PTPRT: variants seen among roughly 807,000 people sequenced by gnomAD.
PTPRT encodes the protein protein tyrosine phosphatase receptor type T.
In PTPRT, 56 loss-of-function variants were observed where a neutral mutation model predicts 176.8. That is an observed-to-expected ratio of 0.32 (90% CI 0.26 to 0.40). The LOEUF (loss-of-function observed/expected upper bound fraction) is 0.40. Among genes scored for constraint, PTPRT ranks in the 10% least tolerant of loss-of-function variants. The pLI, the probability that PTPRT is intolerant of heterozygous loss-of-function variation, is 1.00. For synonymous variants in PTPRT, 783 were observed against 739.0 expected, an observed-to-expected ratio of 1.06 and a Z score of -0.96; for missense variants, 1,540 against 1,908.2, an observed-to-expected ratio of 0.81 and a Z score of 3.60.
intron 7 of PTPRT, among the ~76,000 whole-genome samples, chr20:42,582,057 T>C (rs1007592658): frequency 1.3e-5 from 2 of 152,350 alleles, no homozygotes; most frequent in Admixed American, 6.5e-5. Context: ...TCCAGGTTAC[T>C]TGCTAAGTGC....
At chr20:42,400,491 C>T (rs181683422) in intron 9 of PTPRT, among the ~76,000 whole-genome samples, 62 of 152,002 alleles carry the variant, frequency 4.1e-4, no homozygotes, top group East Asian at 1.2e-3. Flanking sequence ...AAGATATATG[C>T]GAAACTGGGG....
At chr20:42,425,700 G>A (rs936275698) in intron 9 of PTPRT, among the ~76,000 whole-genome samples, 2 of 152,166 alleles carry the variant, frequency 1.3e-5, no homozygotes, top group Non-Finnish European at 2.9e-5. Context: ...ACTTCACAAC[G>A]TATACATATG....
At chr20:42,793,236 A>G (rs1337539187) in intron 2 of PTPRT, among the ~76,000 whole-genome samples, 1 of 152,182 alleles carries the variant, frequency 6.6e-6, no homozygotes, top group Non-Finnish European at 1.5e-5. Flanking sequence ...TTTCATGGAT[A>G]TGTTGCATAG....
chr20:42,784,848 T>C (rs993792469), intron 3 of PTPRT, among the ~76,000 whole-genome samples: 2 of 152,104 alleles, frequency 1.3e-5, no homozygotes, highest in Admixed American at 1.3e-4. Context: ...AACAGAAAAT[T>C]CAGAATCATT....
chr20:42,429,606 T>A (rs1601010079), intron 9 of PTPRT, among the ~76,000 whole-genome samples: 1 of 151,796 alleles, frequency 6.6e-6, no homozygotes, highest in Non-Finnish European at 1.5e-5. Flanking sequence ...CAGAGAAAGG[T>A]GGAGGGAAGA....
chr20:42,330,750 T>C (rs2057954356), intron 11 of PTPRT, among the ~76,000 whole-genome samples: 1 of 152,062 alleles, frequency 6.6e-6, no homozygotes, highest in South Asian at 2.1e-4. Context: ...TTGTTATACT[T>C]AACAAATAGA....
intron 1 of PTPRT, among the ~76,000 whole-genome samples, chr20:42,968,270 T>C (rs1032551715): frequency 6.6e-6 from 1 of 152,202 alleles, no homozygotes; most frequent in African/African-American, 2.4e-5. Context: ...AACGGCCACC[T>C]GACTCCACTC....
At chr20:42,685,103 G>T (rs907407325) in intron 6 of PTPRT, among the ~76,000 whole-genome samples, 16 of 152,096 alleles carry the variant, frequency 1.1e-4, no homozygotes, top group African/African-American at 3.9e-4. Context: ...TAAAGACAAT[G>T]GTACATTATG....
At chr20:42,771,593 G>A (rs750743601) in intron 4 of PTPRT, 43 bp from the exon 5 acceptor site, 3 of 1,513,930 alleles carry the variant, frequency 2.0e-6, no homozygotes, top group Non-Finnish European at 2.8e-6. Flanking sequence ...AGATTCGACA[G>A]CCTGCACCAC....
intron 9 of PTPRT, among the ~76,000 whole-genome samples, chr20:42,392,317 A>G (rs182813687): frequency 8.1e-4 from 124 of 152,316 alleles, no homozygotes; most frequent in African/African-American, 2.9e-3. Context: ...GGCTATTAGC[A>G]TACATCAGGA....
chr20:42,990,101 G>A (rs571044061), intron 1 of PTPRT, among the ~76,000 whole-genome samples: 55 of 152,252 alleles, frequency 3.6e-4, no homozygotes, highest in East Asian at 1.3e-3. Context: ...TTACGAAGCC[G>A]TCACCGTTTC....
At chr20:42,443,947 G>A (rs1317343500) in intron 9 of PTPRT, among the ~76,000 whole-genome samples, 1 of 152,192 alleles carries the variant, frequency 6.6e-6, no homozygotes, top group African/African-American at 2.4e-5. Flanking sequence ...ATGCTTGTGT[G>A]CCCACCATCT....
At chr20:42,841,534 C>T (rs1007308198) in intron 2 of PTPRT, among the ~76,000 whole-genome samples, 1 of 151,332 alleles carries the variant, frequency 6.6e-6, no homozygotes, top group Non-Finnish European at 1.5e-5. Context: ...AAATTCATAC[C>T]ATGGGAGACA....
intron 7 of PTPRT, among the ~76,000 whole-genome samples, chr20:42,502,555 C>G (rs188664760): frequency 3.3e-4 from 50 of 152,104 alleles, no homozygotes; most frequent in Non-Finnish European, 5.9e-4. Context: ...GCAGTTTTCA[C>G]TAAAACTTCA....
At chr20:42,297,984 T>A (rs1250209551) in intron 12 of PTPRT, among the ~76,000 whole-genome samples, 1 of 152,144 alleles carries the variant, frequency 6.6e-6, no homozygotes, top group Non-Finnish European at 1.5e-5. Context: ...TAACTGTGAT[T>A]CAAAGTTTAA....
intron 9 of PTPRT, among the ~76,000 whole-genome samples, chr20:42,354,060 A>AT (rs537062964): frequency 2.2e-4 from 33 of 146,910 alleles, no homozygotes; most frequent in Non-Finnish European, 4.0e-4. Flanking sequence ...TCTCTAAAAA[A>AT]TTAAAAAAAA....
intron 9 of PTPRT, among the ~76,000 whole-genome samples, chr20:42,390,951 T>C (rs2058794444): frequency 6.6e-6 from 1 of 152,190 alleles, no homozygotes; most frequent in Non-Finnish European, 1.5e-5. Flanking sequence ...TTATTTTATT[T>C]AGGTTTACTC....
rs192128562 is a variant in PTPRT at position 43,108,708 on chromosome 20, C to T, written c.88+80938G>A. 2.9e-3 allele frequency among the ~76,000 whole-genome samples: 442 copies of T among 152,052 alleles called. 8 individuals carry two copies. The highest frequency in any genetic ancestry group is 0.027 in the Admixed American group (415 of 15,290). On this transcript the variant is annotated intron_variant, in intron 1 of 30. Coordinates refer to ENST00000373187, the MANE Select transcript of PTPRT (RefSeq NM_007050.6). ...TAGCATCGCACAGAGGCAGGGTTGG[C>T]GTGGGGGATAGAGGGAGGATGTATT...
chr20:42,453,193 C>T (rs538773272), intron 8 of PTPRT, among the ~76,000 whole-genome samples: 67 of 152,202 alleles, frequency 4.4e-4, no homozygotes, highest in African/African-American at 1.5e-3. Context: ...TATAAAATTT[C>T]AAACATATTT....
Sources: gnomAD v4.1 joint callset for allele counts (sites outside exome capture counted in the v4.1 genomes callset) on GRCh38, gnomAD v4.1.1 for gene constraint, MANE v1.5 for transcripts, NCBI Gene and HGNC (gene_info 2026-07-23, HGNC 2026-07-21) for gene names.